Variants in LPIN1 observed in about 807,000 individuals in gnomAD.
LPIN1 encodes the protein phosphatidate phosphatase LPIN1.
Under a neutral mutation model 107.5 loss-of-function variants are expected in LPIN1, and 71 were observed. That is an observed-to-expected ratio of 0.66 (90% confidence interval 0.55 to 0.80). LPIN1 has a LOEUF of 0.80. Among genes scored for constraint, LPIN1 ranks in the 30% least tolerant of loss-of-function variants. LPIN1 has a pLI of 0.00. For missense variants in LPIN1, 1,043 were observed against 1,160.6 expected (o/e 0.90, Z 1.47); for synonymous variants, 445 against 452.6 (o/e 0.98, Z 0.21).
rs567189647 is a variant in LPIN1, at chr2:11,785,174, C to T, written c.1549+98C>T. 4.6e-5 allele frequency: 43 copies of T among 932,434 alleles called. No homozygotes were observed. In the Middle Eastern group the frequency reaches 1.4e-3, roughly 29 times the overall value. 57.8% of individuals were successfully genotyped at this position (932,434 alleles called of 1,614,324 possible). A position where few individuals can be genotyped will look rare whatever the true frequency, so the allele number is the denominator to read the frequency against. The stretch of plus-strand genomic sequence containing the variant: ...GGAGTGCGTGTCAAGGCAGCTTTTC[C>T]CTTGGTTGCGGTTAATGATAGCACA... On this transcript the variant is annotated intron_variant, in intron 10 of 20. Coordinates refer to ENST00000674199, the MANE Select transcript of LPIN1 (RefSeq NM_001349206.2).
chr2:11,719,871 T>C (rs1420207137), upstream of LPIN1, among the ~76,000 whole-genome samples: 2 of 145,024 alleles, frequency 1.4e-5, no homozygotes, highest in African/African-American at 2.5e-5. Context: ...GATACAACAA[T>C]AATGCATTTA....
intron 17 of LPIN1, among the ~76,000 whole-genome samples, chr2:11,807,292 C>T (rs1678872414): frequency 6.6e-6 from 1 of 152,186 alleles, no homozygotes; most frequent in African/African-American, 2.4e-5. Flanking sequence ...GTCGCCTCCC[C>T]ACAGCCTCAC....
At position 11,774,499 on chromosome 2, in the gene LPIN1, C is replaced by T. The variant is rs1672348316; in HGVS notation, c.722+754C>T. Among the ~76,000 whole-genome samples the T allele has an allele frequency of 6.6e-6, 1 of 152,080 alleles. No individual in the cohort carries two copies. The highest frequency in any genetic ancestry group is 2.4e-5 in the African/African-American group (1 of 41,388). On this transcript the variant is annotated intron_variant, in intron 5 of 20. Transcript: ENST00000674199. This position sits in a 1 kb window ranked among gnomAD's most constrained non-coding sequence, Gnocchi z 4.4. ...AAATCTCATGGTGGGTGGAGTTGGG[C>T]TATTAATTTCTCAGAATGCTCAGGG...
At chr2:11,724,969 T>C (rs972694842) in intron 1 of LPIN1, among the ~76,000 whole-genome samples, 2 of 152,270 alleles carry the variant, frequency 1.3e-5, no homozygotes. Flanking sequence ...TTTATTAACA[T>C]GGGGAATGCG....
intron 2 of LPIN1, among the ~76,000 whole-genome samples, chr2:11,717,420 G>A (rs7599540): frequency 0.14 from 21,377 of 151,910 alleles, 1,740 homozygotes; most frequent in East Asian, 0.29. Flanking sequence ...GAGATATGGG[G>A]GGTGTTTTTC....
At chr2:11,716,817 A>C (rs939136945) in intron 2 of LPIN1, among the ~76,000 whole-genome samples, 1 of 152,198 alleles carries the variant, frequency 6.6e-6, no homozygotes, top group Admixed American at 6.5e-5. Context: ...ATCCCCAAAC[A>C]AGATTCAAGA....
intron 8 of LPIN1, 75 bp downstream of exon 8, chr2:11,782,582 C>A: frequency 6.4e-7 from 1 of 1,554,938 alleles, no homozygotes; most frequent in South Asian, 1.1e-5. Flanking sequence ...AGGTCCTTTC[C>A]AAAGTTCCAA....
At chr2:11,702,340 TG>T in intron 1 of LPIN1, among the ~76,000 whole-genome samples, 1 of 152,308 alleles carries the variant, frequency 6.6e-6, no homozygotes, top group South Asian at 2.1e-4. Flanking sequence ...TCCCAGGCCC[TG>T]GGGTGAACAG....
intron 1 of LPIN1, among the ~76,000 whole-genome samples, chr2:11,698,764 T>G (rs930002428): frequency 6.6e-6 from 1 of 152,268 alleles, no homozygotes; most frequent in Non-Finnish European, 1.5e-5. Context: ...GCACATTTTG[T>G]GAGCAGAAGG....
chr2:11,715,092 G>T (rs1663645822), intron 2 of LPIN1, among the ~76,000 whole-genome samples: 1 of 152,220 alleles, frequency 6.6e-6, no homozygotes, highest in African/African-American at 2.4e-5. Flanking sequence ...CCTGGAGGGA[G>T]AGAAGCTCCG....
intron 6 of LPIN1, among the ~76,000 whole-genome samples, chr2:11,779,204 T>C (rs777211713): frequency 6.6e-6 from 1 of 152,214 alleles, no homozygotes; most frequent in Non-Finnish European, 1.5e-5. Flanking sequence ...GGTGGTCTTT[T>C]TGAGGTAAGA....
At chr2:11,724,556 G>A (rs1664407179) in intron 1 of LPIN1, 3 of 985,502 alleles carry the variant, frequency 3.0e-6, no homozygotes, top group Non-Finnish European at 3.6e-6. Context: ...ATGAGCAGGG[G>A]CCTTTATCTG....
At chr2:11,776,255 ACT>A (rs1672670941) in intron 6 of LPIN1, 62 bp downstream of exon 6, 14 of 1,047,438 alleles carry the variant, frequency 1.3e-5, no homozygotes, top group Non-Finnish European at 1.9e-5. Context: ...TCTAACTCTT[ACT>A]ATAAGTCTAT....
At position 11,782,484 on chromosome 2, in the gene LPIN1, C is replaced by T. The variant is rs754012602; in HGVS notation, c.1241C>T (p.Thr414Met). 1.9e-5 allele frequency: 30 copies of T among 1,614,054 alleles called. No homozygotes were observed. The highest frequency in any genetic ancestry group is 7.7e-5 in the South Asian group (7 of 91,086). Residue 414 changes from threonine (T) to methionine (M), a missense_variant, in exon 8 of 21, where the codon ACG becomes ATG. Transcript: ENST00000674199. ...AGTGTAGTCCAGACAGCAAACAAGA[C>T]GGATTCTCCTTCCAGGAAAAGAGGT... ...SASVVQTANK[T>M]DSPSRKRDKR...
upstream of LPIN1, among the ~76,000 whole-genome samples, chr2:11,719,507 C>T (rs946050264): frequency 6.6e-6 from 1 of 152,226 alleles, no homozygotes; most frequent in Admixed American, 6.5e-5. Flanking sequence ...TTTCCCTTTG[C>T]TTTCACTTTC....
upstream of LPIN1, among the ~76,000 whole-genome samples, chr2:11,742,354 G>A (rs893350): frequency 0.14 from 21,938 of 152,062 alleles, 3,130 homozygotes; most frequent in African/African-American, 0.37. Context: ...ATCTAAGGAA[G>A]GGGGGACTCT....
intron 1 of LPIN1, among the ~76,000 whole-genome samples, chr2:11,760,577 A>G (rs1041082358): frequency 6.6e-6 from 1 of 152,210 alleles, no homozygotes; most frequent in Non-Finnish European, 1.5e-5. Flanking sequence ...GGCACTCGGC[A>G]GGTTGAGGCA....
intron 1 of LPIN1, among the ~76,000 whole-genome samples, chr2:11,696,916 G>T (rs1428836691): frequency 1.3e-5 from 2 of 152,186 alleles, no homozygotes; most frequent in Non-Finnish European, 2.9e-5. Flanking sequence ...TCCCCTGGCC[G>T]CACCTCCTCT....
chr2:11,693,306 G>T (rs1376421611), intron 1 of LPIN1, among the ~76,000 whole-genome samples: 1 of 150,888 alleles, frequency 6.6e-6, no homozygotes, highest in Non-Finnish European at 1.5e-5. Context: ...ACTCTGATGT[G>T]CAGCCAGGCT....
Sources: gnomAD v4.1 joint callset for allele counts (sites outside exome capture counted in the v4.1 genomes callset) on GRCh38, gnomAD v4.1.1 for gene constraint, Gnocchi (gnomAD v3.1) non-coding constraint, MANE v1.5 for transcripts, NCBI Gene and HGNC (gene_info 2026-07-23, HGNC 2026-07-21) for gene names.